The following CEP164 variants were observed in gnomAD, a reference collection of about 807,000 sequenced individuals.
CEP164 encodes centrosomal protein of 164 kDa.
Under a neutral mutation model 182.7 loss-of-function variants are expected in CEP164, and 162 were observed. The observed-to-expected ratio is 0.89, with a 90% CI of 0.78 to 1.01. The LOEUF is 1.01. CEP164 is among the 50% of genes least tolerant of loss of function. CEP164 has a pLI of 0.00. For missense variants in CEP164, 1,735 were observed against 1,790.4 expected (o/e 0.97, Z 0.56); for synonymous variants, 661 against 690.0 (o/e 0.96, Z 0.66).
At chr11:117,354,335 A>G (rs1691710994) in intron 5 of CEP164, among the ~76,000 whole-genome samples, 1 of 152,180 alleles carries the variant, frequency 6.6e-6, no homozygotes, top group Non-Finnish European at 1.5e-5. Context: ...GGTGCATTTT[A>G]TAAAACTAAT....
chr11:117,356,559 A>G, intron 5 of CEP164: 1 of 1,289,112 alleles, frequency 7.8e-7, no homozygotes, highest in Non-Finnish European at 1.0e-6. Flanking sequence ...GGGCTAGTCC[A>G]GCAGAGCTCC....
At chr11:117,363,684 C>G (rs2041272317) in intron 8 of CEP164, among the ~76,000 whole-genome samples, 178 bp downstream of exon 8, 1 of 151,414 alleles carries the variant, frequency 6.6e-6, no homozygotes. Flanking sequence ...GGATTCCTGT[C>G]CCTTCCAGAC....
At chr11:117,333,623 G>A (rs1338892325) in intron 1 of CEP164, among the ~76,000 whole-genome samples, 2 of 152,114 alleles carry the variant, frequency 1.3e-5, no homozygotes, top group Non-Finnish European at 2.9e-5. Context: ...TGACCACCTG[G>A]GCTCAAGTGA....
chr11:117,392,513 G>A lies in CEP164; in HGVS notation c.2379G>A (p.Gln793=), dbSNP rs190692742. ...AKHREVVSSL[Q]KKIQEAQQKE... is the part of the protein sequence containing the mutation. The stretch of plus-strand genomic sequence containing the variant: ...CTCCTCAGGTGGTCTCCAGCCTCCA[G>A]AAGAAGATACAGGAAGCTCAACAGA... Residue 793 remains glutamine (Q), a synonymous_variant, in exon 19 of 33, where the codon CAG becomes CAA. Coordinates refer to ENST00000278935, the MANE Select transcript of CEP164 (RefSeq NM_014956.5). 43 of 1,614,096 alleles carry A rather than the reference G, an allele frequency of 2.7e-5. No homozygotes were observed. The Admixed American group carries it at 6.8e-4, about 26-fold the overall frequency.
At chr11:117,378,897 C>T (rs2043022990) in intron 11 of CEP164, among the ~76,000 whole-genome samples, 2 of 152,192 alleles carry the variant, frequency 1.3e-5, no homozygotes, top group African/African-American at 4.8e-5. Context: ...TGGTGTATGG[C>T]TGATAGCCCC....
rs9163 is a variant in CEP164, at chr11:117,413,092, C to T, written c.*924C>T. ...GCAGGCAAGGAGCTAGGCCGGTGCC[C>T]GGCCCTGGCAGCAAGGGGTCTTTGT... On this transcript the variant is annotated 3_prime_UTR_variant, in exon 33 of 33. Coordinates refer to ENST00000278935, the MANE Select transcript of CEP164 (RefSeq NM_014956.5). 29,202 of 152,248 alleles carry T rather than the reference C, an allele frequency of 0.19. 2,920 individuals carry two copies. Among genetic ancestry groups the T allele is most frequent in the Admixed American group, 0.27 (4,179 of 15,294 alleles). The allele number at this position is 152,248 out of a possible 1,614,324, so 9.4% of individuals were successfully genotyped here.
At position 117,394,565 on chromosome 11, in the gene CEP164, G is replaced by A. The variant is rs897844925; in HGVS notation, c.2760+72G>A. 1.1e-4 allele frequency: 174 copies of A among 1,560,532 alleles called. No individual in the cohort carries two copies. The highest frequency in any genetic ancestry group is 1.4e-4 in the Non-Finnish European group (164 of 1,149,452). On this transcript the variant is annotated intron_variant, in intron 21 of 32. Transcript: ENST00000278935. The surrounding 1 kb of genome is among the most constrained non-coding windows in gnomAD (Gnocchi z 4.0). ...CAGTAGGAAGGTGCTGGGAGCAGAC[G>A]CATGGCCCCAGCAGGATGCAGCCTG...
At chr11:117,367,393 A>G (rs1289504284) in intron 8 of CEP164, among the ~76,000 whole-genome samples, 7 of 152,250 alleles carry the variant, frequency 4.6e-5, no homozygotes. Context: ...GTTTTAGGTA[A>G]GGCAGACTAG....
At chr11:117,404,439 A>T (rs751846192) in intron 27 of CEP164, among the ~76,000 whole-genome samples, 16 of 152,144 alleles carry the variant, frequency 1.1e-4, no homozygotes, top group Admixed American at 3.9e-4. Flanking sequence ...AGTTTGCTGG[A>T]GGTCCACTCT....
rs1211751999 is a variant in CEP164, at chr11:117,356,394, A to T, written c.393+4406A>T. 3 of 1,197,634 alleles carry T rather than the reference A, an allele frequency of 2.5e-6. No homozygotes were observed. The East Asian group carries it at 1.9e-4, about 77-fold the overall frequency. 74.2% of individuals were successfully genotyped at this position (1,197,634 alleles called of 1,614,324 possible). A position where few individuals can be genotyped will look rare whatever the true frequency, so the allele number is the denominator to read the frequency against. On this transcript the variant is annotated intron_variant, in intron 5 of 32. Transcript: ENST00000278935. Reference sequence around the variant, plus strand: ...TCTTCTAGGATGTCTAGTGAGGGTGAGCACGAGGCCATCAGAGTCATGGAG... The same window carrying T: ...TCTTCTAGGATGTCTAGTGAGGGTGTGCACGAGGCCATCAGAGTCATGGAG...
chr11:117,339,535 T>G (rs926809419), intron 3 of CEP164, among the ~76,000 whole-genome samples: 25 of 131,968 alleles, frequency 1.9e-4, no homozygotes, highest in African/African-American at 6.3e-4. Context: ...TTTTTTTTTT[T>G]TTTTTTTTTT....
At chr11:117,410,722 C>T (rs768563563) in intron 30 of CEP164, 106 bp from the exon 31 acceptor site, 6 of 834,462 alleles carry the variant, frequency 7.2e-6, no homozygotes, top group African/African-American at 1.7e-5. Context: ...GGCCTCCAGC[C>T]ACTGAAGCTT....
intron 8 of CEP164, among the ~76,000 whole-genome samples, chr11:117,365,791 G>A (rs2041571457): frequency 6.6e-6 from 1 of 152,042 alleles, no homozygotes. Context: ...TGTTGGCCAG[G>A]CTGGTCTCGA....
upstream of CEP164, among the ~76,000 whole-genome samples, chr11:117,325,526 C>T (rs2035397858): frequency 6.6e-6 from 1 of 152,274 alleles, no homozygotes; most frequent in Admixed American, 6.5e-5. Context: ...GCTGGGATTA[C>T]AGGTGCCTGC....
intron 18 of CEP164, 22 bp downstream of exon 18, chr11:117,392,325 C>T: frequency 1.9e-6 from 3 of 1,603,970 alleles, no homozygotes; most frequent in Non-Finnish European, 2.5e-6. Context: ...CATCCTGGGC[C>T]CCCTTCATGG....
chr11:117,391,517 G>C (rs533772777), intron 17 of CEP164, among the ~76,000 whole-genome samples: 13 of 152,114 alleles, frequency 8.5e-5, no homozygotes, highest in Non-Finnish European at 1.8e-4. Context: ...AGAACCCTCA[G>C]AGGCTTGAGG....
At chr11:117,336,406 G>C (rs524914) in intron 2 of CEP164, 76,009 of 1,398,258 alleles carry the variant, frequency 0.054, 2,217 homozygotes, top group South Asian at 0.061. Flanking sequence ...AGGAAGGTGG[G>C]GACCCGAGGA....
At chr11:117,333,690 G>A (rs971809268) in intron 1 of CEP164, among the ~76,000 whole-genome samples, 4 of 151,624 alleles carry the variant, frequency 2.6e-5, no homozygotes, top group Non-Finnish European at 5.9e-5. Context: ...CACCATACCT[G>A]GCTAATTTTT....
chr11:117,409,528 C>T lies in CEP164; in HGVS notation c.3749-90C>T. 1 of 1,178,594 alleles carries T rather than the reference C, an allele frequency of 8.5e-7. No homozygotes were observed. Among genetic ancestry groups the T allele is most frequent in the Non-Finnish European group, 1.2e-6 (1 of 827,168 alleles). The allele number at this position is 1,178,594 out of a possible 1,614,324, so 73.0% of individuals were successfully genotyped here. A position where few individuals can be genotyped will look rare whatever the true frequency, so the allele number is the denominator to read the frequency against. ...TGTCTGGAGAAGCAGGGAGGGGTGG[C>T]CAGTAGGGTCCTCCATGACAGCTGT... is the stretch of plus-strand genomic sequence containing the variant. On this transcript the variant is annotated intron_variant, in intron 29 of 32. Transcript: ENST00000278935. The surrounding 1 kb of genome is among the most constrained non-coding windows in gnomAD (Gnocchi z 4.4).
Sources: allele counts gnomAD v4.1 joint callset (sites outside exome capture counted in the v4.1 genomes callset), GRCh38; gene constraint gnomAD v4.1.1; non-coding constraint Gnocchi (gnomAD v3.1); transcripts MANE v1.5; gene names NCBI Gene and HGNC (gene_info 2026-07-23, HGNC 2026-07-21).